ASCL5: variants seen among roughly 807,000 people sequenced by gnomAD.
ASCL5 encodes achaete-scute family bHLH transcription factor 5.
For synonymous variants in ASCL5, 124 were observed against 131.5 expected (o/e 0.94, Z 0.39); for missense variants, 262 against 268.9 (o/e 0.97, Z 0.18).
At chr1:201,120,893 G>T (rs1052645031) in intron 1 of ASCL5, among the ~76,000 whole-genome samples, 1 of 152,192 alleles carries the variant, frequency 6.6e-6, no homozygotes, top group African/African-American at 2.4e-5. Context: ...GGCAGCAACA[G>T]GGAGACTGCT....
chr1:201,121,207 A>G lies in ASCL5; in HGVS notation c.-505-5330T>C, dbSNP rs779709834. The stretch of plus-strand genomic sequence containing the variant: ...TTTGTATTTAACCCCCAAATTCCCA[A>G]TGGAACCACAGAACACTTAAAAAAT... On this transcript the variant is annotated intron_variant, in intron 1 of 1. Coordinates refer to ENST00000449188, the MANE Select transcript of ASCL5 (RefSeq NM_001270601.2). Among the ~76,000 whole-genome samples, 10 of 152,232 alleles carry G rather than the reference A, an allele frequency of 6.6e-5. 1 individual carries two copies. Among genetic ancestry groups the G allele is most frequent in the Admixed American group, 2.0e-4 (3 of 15,290 alleles).
chr1:201,122,493 G>A (rs1663502618), intron 1 of ASCL5, among the ~76,000 whole-genome samples: 1 of 152,202 alleles, frequency 6.6e-6, no homozygotes, highest in Non-Finnish European at 1.5e-5. Context: ...CCTGAGAGAA[G>A]GTATTACTGT....
Position 201,115,427 on chromosome 1 carries a change from G to A in ASCL5, c.-55C>T. 1 of 1,228,112 alleles carries A rather than the reference G, an allele frequency of 8.1e-7. No individual in the cohort carries two copies. Among genetic ancestry groups the A allele is most frequent in the Non-Finnish European group, 1.0e-6 (1 of 984,798 alleles). The allele number at this position is 1,228,112 out of a possible 1,614,324, so 76.1% of individuals were successfully genotyped here. On this transcript the variant is annotated 5_prime_UTR_variant, in exon 2 of 2. Coordinates refer to ENST00000449188, the MANE Select transcript of ASCL5 (RefSeq NM_001270601.2). ...GGCCTCCACCGAATGGCCCCGGCTT[G>A]GGGTCTGCACCGTCTCCACCAGTGG...
intron 1 of ASCL5, among the ~76,000 whole-genome samples, chr1:201,118,443 C>T (rs1663389407): frequency 6.6e-6 from 1 of 151,226 alleles, no homozygotes; most frequent in Non-Finnish European, 1.5e-5. Context: ...TGAGGCTGCA[C>T]CACTGCACTC....
rs1440755963 is a variant in ASCL5 at position 201,117,035 on chromosome 1, T to C, written c.-505-1158A>G. On this transcript the variant is annotated intron_variant, in intron 1 of 1. Coordinates refer to ENST00000449188, the MANE Select transcript of ASCL5 (RefSeq NM_001270601.2). ...TGCACCCTCTCACCTCTGTCCTTTT[T>C]GCAGGCCCTGAGTCTGTTTCCAGCT... 5.3e-5 allele frequency among the ~76,000 whole-genome samples: 8 copies of C among 152,300 alleles called. No individual in the cohort carries two copies. The South Asian group carries it at 1.0e-3, about 20-fold the overall frequency.
intron 1 of ASCL5, among the ~76,000 whole-genome samples, chr1:201,126,299 T>C (rs1016687707): frequency 6.6e-6 from 1 of 152,116 alleles, no homozygotes; most frequent in African/African-American, 2.4e-5. Context: ...TTGTTAAAAA[T>C]TTTTTTGTAG....
chr1:201,123,852 G>A (rs998995702), intron 1 of ASCL5, among the ~76,000 whole-genome samples: 45 of 152,182 alleles, frequency 3.0e-4, no homozygotes, highest in Admixed American at 9.2e-4. Flanking sequence ...AAACTGCTCC[G>A]TACTTTGCCT....
intron 1 of ASCL5, among the ~76,000 whole-genome samples, chr1:201,124,240 C>G (rs957824439): frequency 6.6e-6 from 1 of 152,216 alleles, no homozygotes; most frequent in African/African-American, 2.4e-5. Flanking sequence ...GCCTGAGCCT[C>G]CCTTGATGAG....
At chr1:201,122,294 C>G (rs1271945567) in intron 1 of ASCL5, among the ~76,000 whole-genome samples, 15 of 152,210 alleles carry the variant, frequency 9.9e-5, no homozygotes, top group Non-Finnish European at 5.9e-5. Context: ...TCCAGTTTCA[C>G]AAAGAGAAAA....
At chr1:201,116,995 G>A (rs770166207) in intron 1 of ASCL5, among the ~76,000 whole-genome samples, 18 of 152,060 alleles carry the variant, frequency 1.2e-4, no homozygotes, top group Non-Finnish European at 2.2e-4. Context: ...TCAGATTCCC[G>A]AGAATGTCTC....
intron 1 of ASCL5, among the ~76,000 whole-genome samples, chr1:201,123,781 T>C (rs1286984501): frequency 6.6e-6 from 1 of 152,208 alleles, no homozygotes; most frequent in Non-Finnish European, 1.5e-5. Context: ...ACACCTGGAC[T>C]CTTGTCCCAA....
At position 201,114,472 on chromosome 1, in the gene ASCL5, C is replaced by T; in HGVS notation, c.*280G>A. On this transcript the variant is annotated 3_prime_UTR_variant, in exon 2 of 2. Coordinates refer to ENST00000449188, the MANE Select transcript of ASCL5 (RefSeq NM_001270601.2). The stretch of plus-strand genomic sequence containing the variant: ...ACCGTCCTGGGGAGCCCCTCTGCAC[C>T]CCGGAGGGGACGCAGGACGCCCGGA... 3.4e-6 allele frequency: 1 copy of T among 294,402 alleles called. No individual in the cohort carries two copies. Among genetic ancestry groups the T allele is most frequent in the Non-Finnish European group, 6.3e-6 (1 of 159,960 alleles). The allele number at this position is 294,402 out of a possible 1,614,324, so 18.2% of individuals were successfully genotyped here.
At position 201,114,799 on chromosome 1, in the gene ASCL5, A is replaced by G; in HGVS notation, c.574T>C (p.Cys192Arg). 1 of 1,216,724 alleles carries G rather than the reference A, an allele frequency of 8.2e-7. No homozygotes were observed. The highest frequency in any genetic ancestry group is 3.3e-5 in the East Asian group (1 of 30,238). The allele number at this position is 1,216,724 out of a possible 1,614,324, so 75.4% of individuals were successfully genotyped here. Residue 192 changes from cysteine (C) to arginine (R), a missense_variant, in exon 2 of 2, where the codon TGC becomes CGC. Cys to Arg is a radical substitution (Grantham distance 180). Coordinates refer to ENST00000449188, the MANE Select transcript of ASCL5 (RefSeq NM_001270601.2). ...SLVPESSESSCFSPSPFLESE... is the reference protein window; with the variant it reads ...SLVPESSESSRFSPSPFLESE... ...TCCAAGAAAGGCGACGGGGAGAAGCAGGAGGACTCGGATGACTCCGGCACC... is the reference window on the plus strand; with the variant it reads ...TCCAAGAAAGGCGACGGGGAGAAGCGGGAGGACTCGGATGACTCCGGCACC...
Position 201,115,419 on chromosome 1 carries a change from C to T in ASCL5, c.-47G>A, listed in dbSNP as rs1009525781. 3.3e-6 allele frequency: 4 copies of T among 1,230,732 alleles called. No individual in the cohort carries two copies. The highest frequency in any genetic ancestry group is 3.1e-5 in the African/African-American group (2 of 64,526). 76.2% of individuals were successfully genotyped at this position (1,230,732 alleles called of 1,614,324 possible). A position where few individuals can be genotyped will look rare whatever the true frequency, so the allele number is the denominator to read the frequency against. On this transcript the variant is annotated 5_prime_UTR_variant, in exon 2 of 2. Transcript: ENST00000449188. The stretch of plus-strand genomic sequence containing the variant: ...CAGAGCGAGGCCTCCACCGAATGGC[C>T]CCGGCTTGGGGTCTGCACCGTCTCC...
chr1:201,124,889 C>T (rs1416526113), intron 1 of ASCL5, among the ~76,000 whole-genome samples: 2 of 152,184 alleles, frequency 1.3e-5, no homozygotes, highest in African/African-American at 4.8e-5. Flanking sequence ...CCCTGGTTCT[C>T]CACTGCCCCC....
intron 1 of ASCL5, among the ~76,000 whole-genome samples, chr1:201,123,861 C>T (rs1663529446): frequency 6.6e-6 from 1 of 152,194 alleles, no homozygotes; most frequent in African/African-American, 2.4e-5. Flanking sequence ...CGTACTTTGC[C>T]TTTCGGGGAG....
At chr1:201,123,103 A>C (rs532628836) in intron 1 of ASCL5, among the ~76,000 whole-genome samples, 1 of 152,164 alleles carries the variant, frequency 6.6e-6, no homozygotes, top group Non-Finnish European at 1.5e-5. Context: ...CCCCACCAAT[A>C]TTGTTCCACC....
rs1395264353 is a variant in ASCL5, at chr1:201,114,873, G to T, written c.500C>A (p.Pro167His). ...GCCGTCGCCAGGGCGGTCGGGACGGGGGGTGGCGGGCGGCGCGGGGCAGGG... is the reference window on the plus strand; with the variant it reads ...GCCGTCGCCAGGGCGGTCGGGACGGTGGGTGGCGGGCGGCGCGGGGCAGGG... The part of the protein sequence containing the change: ...TGPCPAPPAT[P>H]RPDRPGDGEA... Residue 167 changes from proline to histidine, a missense_variant, in exon 2 of 2, where the codon CCC becomes CAC. Pro to His is a moderately conservative substitution (Grantham distance 77). Coordinates refer to ENST00000449188, the MANE Select transcript of ASCL5 (RefSeq NM_001270601.2). The T allele has an allele frequency of 3.3e-6, 4 of 1,228,456 alleles. No individual in the cohort carries two copies. In the South Asian group the frequency reaches 1.2e-4, roughly 38 times the overall value. The allele number at this position is 1,228,456 out of a possible 1,614,324, so 76.1% of individuals were successfully genotyped here.
chr1:201,124,282 C>T (rs542425148), intron 1 of ASCL5, among the ~76,000 whole-genome samples: 2 of 152,270 alleles, frequency 1.3e-5, no homozygotes, highest in African/African-American at 4.8e-5. Context: ...GGTTCACAGG[C>T]TAGGAAGCTA....
Sources: gnomAD v4.1 joint callset for allele counts (sites outside exome capture counted in the v4.1 genomes callset) on GRCh38, gnomAD v4.1.1 for gene constraint, MANE v1.5 for transcripts, NCBI Gene and HGNC (gene_info 2026-07-23, HGNC 2026-07-21) for gene names.